The following ATXN2 variants were observed in gnomAD, a reference collection of about 807,000 sequenced individuals.
ATXN2 encodes the protein ataxin-2.
In ATXN2, 37 loss-of-function variants were observed where a neutral mutation model predicts 138.6. That is an observed-to-expected ratio of 0.27 (90% CI 0.21 to 0.35). The LOEUF (loss-of-function observed/expected upper bound fraction) is 0.35, where lower values mean the gene tolerates loss of function less well. Ranked by LOEUF, ATXN2 falls within the 10% of genes least tolerant of loss-of-function variation. ATXN2 has a pLI of 1.00. For synonymous variants in ATXN2, 549 were observed against 543.7 expected, an observed-to-expected ratio of 1.01 and a Z score of -0.13; for missense variants, 1,216 against 1,480.3, an observed-to-expected ratio of 0.82 and a Z score of 2.93.
chr12:111,568,117 C>T (rs1232053748), intron 1 of ATXN2, among the ~76,000 whole-genome samples: 2 of 151,888 alleles, frequency 1.3e-5, no homozygotes, highest in African/African-American at 4.8e-5. Context: ...AAAAATTAGC[C>T]GGGCGTGGTG....
chr12:111,505,473 T>C (rs1375398160), intron 14 of ATXN2, among the ~76,000 whole-genome samples: 1 of 152,128 alleles, frequency 6.6e-6, no homozygotes, highest in Admixed American at 6.6e-5. Context: ...GTACACACAA[T>C]ATATAAAGAA....
intron 18 of ATXN2, chr12:111,470,976 G>T: frequency 3.9e-6 from 2 of 507,904 alleles, no homozygotes; most frequent in Non-Finnish European, 3.5e-6. Context: ...CATCCTTCAG[G>T]TGTCAGCTTG....
At chr12:111,458,872 T>C (rs975974172) in intron 21 of ATXN2, among the ~76,000 whole-genome samples, 31 of 152,100 alleles carry the variant, frequency 2.0e-4, no homozygotes, top group Non-Finnish European at 1.0e-4. Flanking sequence ...CATGGAGCAG[T>C]TCTATAATCC....
intron 1 of ATXN2, among the ~76,000 whole-genome samples, chr12:111,590,441 C>T (rs1884596043): frequency 6.6e-6 from 1 of 151,968 alleles, no homozygotes; most frequent in Admixed American, 6.6e-5. Flanking sequence ...GTAATTCCAG[C>T]ACTTTGGGAG....
chr12:111,483,194 T>C (rs11065923), intron 18 of ATXN2, among the ~76,000 whole-genome samples: 23,373 of 94,726 alleles, frequency 0.25, 1,943 homozygotes, highest in East Asian at 0.44. Flanking sequence ...ATCAAACACA[T>C]ACACACACAC....
At position 111,453,082 on chromosome 12, in the gene ATXN2, GA is replaced by G. The variant is rs1339047046; in HGVS notation, c.3440-243del. 21 of 1,281,002 alleles carry G rather than the reference GA, an allele frequency of 1.6e-5. No homozygotes were observed. Among genetic ancestry groups the G allele is most frequent in the South Asian group, 5.3e-5 (2 of 37,496 alleles). 79.4% of individuals were successfully genotyped at this position (1,281,002 alleles called of 1,614,324 possible). On this transcript the variant is annotated intron_variant, in intron 24 of 24. Transcript: ENST00000673436. The surrounding 1 kb of genome is among the most constrained non-coding windows in gnomAD (Gnocchi z 5.4). ...TCCCAGAAGACTTGTTCATGGGGTA[GA>G]AAAAAAGGCCTTAACAAACCCCCTC...
At chr12:111,454,113 T>C in intron 23 of ATXN2, 1 of 321,148 alleles carries the variant, frequency 3.1e-6, no homozygotes, top group Non-Finnish European at 5.7e-6. Context: ...ACCCTTGACA[T>C]TTCTGATCAT....
intron 14 of ATXN2, among the ~76,000 whole-genome samples, chr12:111,496,209 A>C (rs1878412620): frequency 6.6e-6 from 1 of 151,844 alleles, no homozygotes; most frequent in Non-Finnish European, 1.5e-5. Flanking sequence ...AGTTAAAATC[A>C]TATCAACTAT....
intron 20 of ATXN2, 29 bp downstream of exon 20, chr12:111,470,079 C>A: frequency 6.2e-7 from 1 of 1,608,904 alleles, no homozygotes; most frequent in Non-Finnish European, 8.5e-7. Flanking sequence ...GTCACACACA[C>A]TGGAAGAGAC....
intron 5 of ATXN2, among the ~76,000 whole-genome samples, chr12:111,535,873 G>A (rs904186639): frequency 4.0e-5 from 6 of 150,336 alleles, no homozygotes; most frequent in South Asian, 4.2e-4. Context: ...AGTGGCGGGC[G>A]CCTGTAGTCC....
intron 17 of ATXN2, 150 bp from the exon 18 acceptor site, chr12:111,485,481 G>A: frequency 5.2e-6 from 5 of 966,764 alleles, no homozygotes; most frequent in Non-Finnish European, 7.6e-6. Flanking sequence ...CATACCCACA[G>A]CTAAAAGGAA....
intron 5 of ATXN2, among the ~76,000 whole-genome samples, chr12:111,533,313 C>T (rs1880950988): frequency 6.6e-6 from 1 of 152,086 alleles, no homozygotes; most frequent in South Asian, 2.1e-4. Context: ...CTAGGGATAC[C>T]AAAATCCAGG....
Position 111,453,123 on chromosome 12 carries a change from A to C in ATXN2, c.3440-283T>G. 1 of 1,248,326 alleles carries C rather than the reference A, an allele frequency of 8.0e-7. No individual in the cohort carries two copies. Among genetic ancestry groups the C allele is most frequent in the Non-Finnish European group, 1.0e-6 (1 of 994,838 alleles). 77.3% of individuals were successfully genotyped at this position (1,248,326 alleles called of 1,614,324 possible). Reference sequence around the variant, plus strand: ...CAAACCCCCTCCCCAAATATTAGCCAAGCACCAGTATTGCTTTCAGAATAA... The same window carrying C: ...CAAACCCCCTCCCCAAATATTAGCCCAGCACCAGTATTGCTTTCAGAATAA... On this transcript the variant is annotated intron_variant, in intron 24 of 24. Transcript: ENST00000673436. The surrounding 1 kb of genome is among the most constrained non-coding windows in gnomAD (Gnocchi z 5.4).
At position 111,539,274 on chromosome 12, in the gene ATXN2, CAGG is replaced by C. The variant is rs1192047417; in HGVS notation, c.571+13003_571+13005del. On this transcript the variant is annotated intron_variant, in intron 5 of 24. Transcript: ENST00000673436. The stretch of plus-strand genomic sequence containing the variant: ...TGAGGCAAAGAGGATTGCTTGGGCT[CAGG>C]AGTTCAAGACAGCCTGGGCAACATA... Among the ~76,000 whole-genome samples the C allele has an allele frequency of 6.0e-5, 9 of 149,376 alleles. 2 individuals carry two copies. The highest frequency in any genetic ancestry group is 2.0e-4 in the Admixed American group (3 of 14,850).
intron 17 of ATXN2, 133 bp downstream of exon 17, chr12:111,485,580 C>T: frequency 8.9e-7 from 1 of 1,124,098 alleles, no homozygotes; most frequent in Non-Finnish European, 1.3e-6. Flanking sequence ...CACACTGAAT[C>T]TCTGCATGCC....
intron 2 of ATXN2, 38 bp from the exon 3 acceptor site, chr12:111,554,255 G>C (rs758820660): frequency 7.8e-7 from 1 of 1,275,908 alleles, no homozygotes; most frequent in Non-Finnish European, 1.0e-6. Flanking sequence ...TTAGAAATTA[G>C]TACAAACTGA....
intron 6 of ATXN2, among the ~76,000 whole-genome samples, chr12:111,523,633 G>A (rs1162970674): frequency 6.6e-6 from 1 of 152,124 alleles, no homozygotes; most frequent in Non-Finnish European, 1.5e-5. Flanking sequence ...AGCTGAGGCA[G>A]TAGAATCACT....
chr12:111,480,005 AG>A (rs1385654269), intron 18 of ATXN2, among the ~76,000 whole-genome samples: 72 of 151,444 alleles, frequency 4.8e-4, no homozygotes, highest in Admixed American at 4.4e-3. Context: ...ACGTAAAAAA[AG>A]AAAAAAAAAA....
chr12:111,476,975 G>A (rs1876860205), intron 18 of ATXN2, among the ~76,000 whole-genome samples: 2 of 152,070 alleles, frequency 1.3e-5, no homozygotes, highest in Non-Finnish European at 2.9e-5. Flanking sequence ...ATTGGCATAA[G>A]GATATATACA....
Sources: gnomAD v4.1 joint callset for allele counts (sites outside exome capture counted in the v4.1 genomes callset) on GRCh38, gnomAD v4.1.1 for gene constraint, Gnocchi (gnomAD v3.1) non-coding constraint, MANE v1.5 for transcripts, NCBI Gene and HGNC (gene_info 2026-07-23, HGNC 2026-07-21) for gene names.